The following PTPRO variants were observed in gnomAD, a reference collection of about 807,000 sequenced individuals.
The protein encoded by PTPRO is protein tyrosine phosphatase receptor type O.
A neutral mutation model predicts 145.2 loss-of-function variants in PTPRO; 62 were observed. That is an observed-to-expected ratio of 0.43 (90% CI 0.35 to 0.53). PTPRO has a LOEUF of 0.53. Among genes scored for constraint, PTPRO ranks in the 20% least tolerant of loss-of-function variants. The pLI is 0.01. For missense variants in PTPRO, 1,345 were observed against 1,482.7 expected (o/e 0.91, Z 1.53); for synonymous variants, 565 against 514.7 (o/e 1.10, Z -1.32).
At chr12:15,360,918 A>ATATATACACACACATATATACACACG (rs1938180177) in intron 1 of PTPRO, among the ~76,000 whole-genome samples, 2 of 106,216 alleles carry the variant, frequency 1.9e-5, no homozygotes, top group African/African-American at 3.4e-5. Flanking sequence ...ATATACACAC[A>ATATATACACACACATATATACACACG]TGTATATACA....
intron 15 of PTPRO, among the ~76,000 whole-genome samples, chr12:15,554,230 C>G (rs7976845): frequency 6.6e-6 from 1 of 152,032 alleles, no homozygotes; most frequent in Admixed American, 6.6e-5. Context: ...GTTTTTGGCC[C>G]AAGCACTTGA....
chr12:15,521,003 T>G lies in PTPRO; in HGVS notation c.1891+691T>G, dbSNP rs140559074. 3.2e-4 allele frequency among the ~76,000 whole-genome samples: 48 copies of G among 152,258 alleles called. No homozygotes were observed. In the East Asian group the frequency reaches 6.4e-3, roughly 20 times the overall value. ...TCCTCGGAAACCTTAAATTATGTAG[T>G]TGCATCATCAGTAGTCAGAGATAGC... On this transcript the variant is annotated intron_variant, in intron 10 of 26. Coordinates refer to ENST00000281171, the MANE Select transcript of PTPRO (RefSeq NM_030667.3).
At chr12:15,457,536 TTC>T (rs1158385523) in intron 1 of PTPRO, among the ~76,000 whole-genome samples, 1 of 152,320 alleles carries the variant, frequency 6.6e-6, no homozygotes, top group East Asian at 1.9e-4. Flanking sequence ...GTTAATTGTT[TTC>T]TGTCTGACCT....
chr12:15,496,972 A>G (rs888106479), intron 2 of PTPRO, among the ~76,000 whole-genome samples: 2 of 152,176 alleles, frequency 1.3e-5, no homozygotes, highest in Admixed American at 1.3e-4. Context: ...GGATGGAGAT[A>G]TTTTATTTGC....
intron 1 of PTPRO, among the ~76,000 whole-genome samples, chr12:15,480,151 C>T (rs917156487): frequency 2.6e-5 from 4 of 152,050 alleles, no homozygotes. Context: ...TTTGTTGTTT[C>T]TATTTCTCTG....
At chr12:15,403,646 G>A (rs1939564302) in intron 1 of PTPRO, among the ~76,000 whole-genome samples, 1 of 152,124 alleles carries the variant, frequency 6.6e-6, no homozygotes, top group African/African-American at 2.4e-5. Flanking sequence ...CCCCTGTTTG[G>A]TGTGGCCCTA....
At chr12:15,505,201 G>C (rs4764200) in intron 6 of PTPRO, among the ~76,000 whole-genome samples, 1 of 152,208 alleles carries the variant, frequency 6.6e-6, no homozygotes, top group Non-Finnish European at 1.5e-5. Flanking sequence ...AACAATTCTG[G>C]TCTTTCTGAC....
chr12:15,443,912 A>G (rs1940835741), intron 1 of PTPRO, among the ~76,000 whole-genome samples: 1 of 152,096 alleles, frequency 6.6e-6, no homozygotes, highest in Admixed American at 6.6e-5. Flanking sequence ...CTCTGCCAAT[A>G]CAGAAAGTAG....
intron 1 of PTPRO, among the ~76,000 whole-genome samples, chr12:15,467,660 T>C (rs1941447724): frequency 6.6e-6 from 1 of 152,194 alleles, no homozygotes; most frequent in Non-Finnish European, 1.5e-5. Context: ...GTTTTAAGAT[T>C]GGCTTAAAGT....
chr12:15,480,750 G>GATGGATGC (rs1941761994), intron 1 of PTPRO, among the ~76,000 whole-genome samples: 1 of 69,888 alleles, frequency 1.4e-5, no homozygotes, highest in African/African-American at 4.0e-5. Flanking sequence ...TGGATGGATG[G>GATGGATGC]ATGGATGGAT....
chr12:15,524,819 G>C lies in PTPRO; in HGVS notation c.1897G>C (p.Val633Leu), dbSNP rs755367238. The C allele has an allele frequency of 6.2e-7, 1 of 1,612,912 alleles. No homozygotes were observed. Among genetic ancestry groups the C allele is most frequent in the South Asian group, 1.1e-5 (1 of 91,052 alleles). ...GCCTCGTTTCTCCCTTGTAGCCCCA[G>C]TGGCTCCGGAAATCACTTCTGTGGA... is the stretch of plus-strand genomic sequence containing the variant. Reference protein sequence around the residue: ...SSTISFITAPVAPEITSVEYF... With the variant: ...SSTISFITAPLAPEITSVEYF... Residue 633 changes from valine (V) to leucine (L), a missense_variant, in exon 11 of 27, where the codon GTG becomes CTG. By Grantham distance (32) the Val-to-Leu change is conservative. Around this residue, in one of 3 missense-constraint regions of PTPRO, gnomAD observed 1,130 missense variants for 1,214.7 expected, o/e 0.93. Transcript: ENST00000281171.
intron 2 of PTPRO, among the ~76,000 whole-genome samples, chr12:15,484,933 T>A (rs1941855368): frequency 6.6e-6 from 1 of 152,186 alleles, no homozygotes; most frequent in Non-Finnish European, 1.5e-5. Context: ...GTGACTCTAC[T>A]GTCTATGTTG....
intron 1 of PTPRO, among the ~76,000 whole-genome samples, chr12:15,364,455 G>A (rs994464159): frequency 6.6e-6 from 1 of 152,126 alleles, no homozygotes; most frequent in Non-Finnish European, 1.5e-5. Context: ...TTTCCTAAAT[G>A]CTGTAATCCA....
intron 1 of PTPRO, among the ~76,000 whole-genome samples, chr12:15,347,251 T>C (rs952452703): frequency 6.6e-6 from 1 of 152,190 alleles, no homozygotes; most frequent in Non-Finnish European, 1.5e-5. Flanking sequence ...TTAAAACAGT[T>C]TTCTATTCTT....
intron 1 of PTPRO, among the ~76,000 whole-genome samples, chr12:15,353,628 C>G (rs2136233966): frequency 6.6e-6 from 1 of 152,230 alleles, no homozygotes. Context: ...CATGATGAAG[C>G]TTTCCTGGGC....
At position 15,589,590 on chromosome 12, in the gene PTPRO, G is replaced by A; in HGVS notation, c.3546G>A (p.Glu1182=). 1 of 1,613,898 alleles carries A rather than the reference G, an allele frequency of 6.2e-7. No individual in the cohort carries two copies. The highest frequency in any genetic ancestry group is 8.5e-7 in the Non-Finnish European group (1 of 1,179,910). The change falls in exon 25 of 27, where the codon GAG becomes GAA. Residue 1182 remains glutamate, a splice_region_variant and synonymous_variant. Coordinates refer to ENST00000281171, the MANE Select transcript of PTPRO (RefSeq NM_030667.3). ...ACCGGATGTCTATGGTACAGACAGAGGTAGGAACATAATCTATATGTATTT... is the reference window on the plus strand; with the variant it reads ...ACCGGATGTCTATGGTACAGACAGAAGTAGGAACATAATCTATATGTATTT... The part of the protein sequence containing the change: ...RSYRMSMVQT[E]EQYIFIHQCV...
chr12:15,490,508 T>C (rs1941978525), intron 2 of PTPRO, among the ~76,000 whole-genome samples: 1 of 152,210 alleles, frequency 6.6e-6, no homozygotes, highest in Non-Finnish European at 1.5e-5. Flanking sequence ...ACTATTCTTT[T>C]GTTTAGGCAC....
intron 23 of PTPRO, among the ~76,000 whole-genome samples, chr12:15,582,174 C>T (rs940441756): frequency 2.0e-5 from 3 of 152,246 alleles, no homozygotes; most frequent in Admixed American, 6.5e-5. Context: ...AGCGGTTTTC[C>T]GCCCTGGGAG....
intron 6 of PTPRO, 106 bp downstream of exon 6, chr12:15,504,175 TGAG>T: frequency 7.9e-7 from 1 of 1,261,658 alleles, no homozygotes; most frequent in East Asian, 2.5e-5. Flanking sequence ...TTAGGGATGA[TGAG>T]AAGTCTTCAA....
Sources: allele counts gnomAD v4.1 joint callset (sites outside exome capture counted in the v4.1 genomes callset), GRCh38; gene constraint gnomAD v4.1.1; regional missense constraint gnomAD v4.1.1; transcripts MANE v1.5; gene names NCBI Gene and HGNC (gene_info 2026-07-23, HGNC 2026-07-21).